BTG4: variants seen among roughly 807,000 people sequenced by gnomAD.
The protein encoded by BTG4 is BTG anti-proliferation factor 4, also known as protein BTG4.
BTG4 carries 10 observed loss-of-function variants against 19.3 expected under a neutral mutation model. The observed-to-expected ratio is 0.52, with a 90% CI of 0.32 to 0.88. The LOEUF is 0.88. BTG4 is among the 40% of genes least tolerant of loss of function. BTG4 has a pLI of 0.04. For missense variants in BTG4, 238 were observed against 281.9 expected, an observed-to-expected ratio of 0.84 and a Z score of 1.11; for synonymous variants, 91 against 95.7, an observed-to-expected ratio of 0.95 and a Z score of 0.29.
intron 5 of BTG4, among the ~76,000 whole-genome samples, chr11:111,482,122 A>G (rs1052806778): frequency 6.6e-6 from 1 of 152,090 alleles, no homozygotes; most frequent in Non-Finnish European, 1.5e-5. Flanking sequence ...TAAGTTCAGC[A>G]ACATCTAGAA....
chr11:111,483,362 T>A (rs1864859335), intron 5 of BTG4, among the ~76,000 whole-genome samples: 1 of 152,096 alleles, frequency 6.6e-6, no homozygotes, highest in South Asian at 2.1e-4. Flanking sequence ...CAAGAAAACA[T>A]GACTTCACTA....
chr11:111,454,101 A>G, the BTG4 span: 3 of 324,220 alleles, frequency 9.3e-6, no homozygotes, highest in East Asian at 1.8e-4. Flanking sequence ...CTCCTTACCC[A>G]AGAACTACAC....
At chr11:111,497,722 T>G (rs1865822419) in intron 3 of BTG4, among the ~76,000 whole-genome samples, 1 of 152,240 alleles carries the variant, frequency 6.6e-6, no homozygotes, top group Admixed American at 6.5e-5. Context: ...ACCTACAGTT[T>G]GTAATAGATA....
the BTG4 span, chr11:111,455,192 C>G: frequency 1.0e-5 from 4 of 399,768 alleles, no homozygotes; most frequent in African/African-American, 6.1e-5. Context: ...CCAACCTGTT[C>G]CATCTCCCTG....
At chr11:111,387,643 C>T in the BTG4 span, among the ~76,000 whole-genome samples, 1 of 152,190 alleles carries the variant, frequency 6.6e-6, no homozygotes, top group African/African-American at 2.4e-5. Flanking sequence ...ATACAGGCAG[C>T]TGGCAAGTGT....
chr11:111,416,848 ACT>A, the BTG4 span: 1 of 152,186 alleles, frequency 6.6e-6, no homozygotes, highest in South Asian at 2.1e-4. Context: ...AAACTCAATA[ACT>A]CATAGTCATT....
chr11:111,475,730 C>T (rs1296821358), intron 5 of BTG4, among the ~76,000 whole-genome samples: 1 of 152,148 alleles, frequency 6.6e-6, no homozygotes, highest in Non-Finnish European at 1.5e-5. Flanking sequence ...ATGGATAATT[C>T]TGTATCATGC....
the BTG4 span, chr11:111,418,158 T>G: frequency 2.6e-5 from 4 of 152,250 alleles, no homozygotes; most frequent in African/African-American, 9.6e-5. Context: ...ACCCCATGTC[T>G]GTTCACCTTC....
At chr11:111,446,065 A>G in the BTG4 span, among the ~76,000 whole-genome samples, 1 of 152,188 alleles carries the variant, frequency 6.6e-6, no homozygotes, top group African/African-American at 2.4e-5. Flanking sequence ...AGAGACCACA[A>G]GGTTACAGAA....
intron 5 of BTG4, among the ~76,000 whole-genome samples, chr11:111,487,586 A>G (rs1256592291): frequency 3.3e-5 from 5 of 152,166 alleles, no homozygotes; most frequent in African/African-American, 1.2e-4. Context: ...TTTATTCAAC[A>G]TGGTGCTGGA....
the BTG4 span, among the ~76,000 whole-genome samples, chr11:111,394,379 C>T: frequency 6.6e-6 from 1 of 152,182 alleles, no homozygotes; most frequent in Admixed American, 6.5e-5. Flanking sequence ...GGGCAGTTCC[C>T]CCCATACTGT....
chr11:111,479,938 T>G (rs1397280043), intron 5 of BTG4, among the ~76,000 whole-genome samples: 1 of 151,690 alleles, frequency 6.6e-6, no homozygotes, highest in East Asian at 1.9e-4. Context: ...AACAGAAAAT[T>G]GAGAAATGAA....
intron 5 of BTG4, chr11:111,473,309 T>C (rs1864190179): frequency 6.6e-6 from 1 of 152,580 alleles, no homozygotes; most frequent in South Asian, 2.1e-4. Flanking sequence ...AGTATATTCA[T>C]AAAAACAAAG....
chr11:111,445,154 G>C, the BTG4 span, among the ~76,000 whole-genome samples: 1 of 152,154 alleles, frequency 6.6e-6, no homozygotes, highest in East Asian at 1.9e-4. Flanking sequence ...TTGGGGACTT[G>C]CCCTCATTCT....
At chr11:111,473,424 G>A (rs1240618467) in intron 5 of BTG4, 1 of 152,592 alleles carries the variant, frequency 6.6e-6, no homozygotes, top group Non-Finnish European at 1.5e-5. Context: ...TGAAGATAAG[G>A]TGAGATACCC....
At chr11:111,511,906 C>T (rs888844760) in intron 1 of BTG4, among the ~76,000 whole-genome samples, 2 of 152,082 alleles carry the variant, frequency 1.3e-5, no homozygotes, top group African/African-American at 2.4e-5. Context: ...CTAAATAGTC[C>T]CTAGTTTAGT....
chr11:111,506,873 G>C (rs1866488143), intron 1 of BTG4, among the ~76,000 whole-genome samples: 2 of 151,934 alleles, frequency 1.3e-5, no homozygotes, highest in Admixed American at 1.3e-4. Context: ...AAGGTACTAG[G>C]GAAGATTTTA....
the BTG4 span, among the ~76,000 whole-genome samples, chr11:111,430,901 C>T: frequency 2.0e-5 from 3 of 152,188 alleles, no homozygotes; most frequent in Non-Finnish European, 2.9e-5. Context: ...CCTTCACATA[C>T]GGAGCTAATA....
At chr11:111,387,400 C>G in the BTG4 span, among the ~76,000 whole-genome samples, 1 of 152,194 alleles carries the variant, frequency 6.6e-6, no homozygotes, top group Non-Finnish European at 1.5e-5. Flanking sequence ...AATAATTAGA[C>G]ATTGTGACTA....
Sources: allele counts gnomAD v4.1 joint callset (sites outside exome capture counted in the v4.1 genomes callset), GRCh38; gene constraint gnomAD v4.1.1; transcripts MANE v1.5; gene names NCBI Gene and HGNC (gene_info 2026-07-23, HGNC 2026-07-21).